The following LYRM7 variants were observed in gnomAD, a reference collection of about 807,000 sequenced individuals.
LYRM7 encodes the protein LYR motif containing 7.
In LYRM7, 9 loss-of-function variants were observed where a neutral mutation model predicts 15.8. That is an observed-to-expected ratio of 0.57 (90% CI 0.34 to 0.99). LYRM7 has a LOEUF of 0.99. Among genes scored for constraint, LYRM7 ranks in the 50% least tolerant of loss-of-function variants. The probability of loss-of-function intolerance (pLI) is 0.02; values close to 1 mark genes in which losing one functional copy is unlikely to be tolerated. For synonymous variants in LYRM7, 39 were observed against 39.4 expected, an observed-to-expected ratio of 0.99 and a Z score of 0.04; for missense variants, 115 against 119.1, an observed-to-expected ratio of 0.97 and a Z score of 0.16.
At chr5:131,179,980 G>A (rs536728620) in intron 1 of LYRM7, 115 bp from the exon 2 acceptor site, 46 of 684,110 alleles carry the variant, frequency 6.7e-5, no homozygotes, top group Non-Finnish European at 1.1e-4. Context: ...TCACCATATC[G>A]CCCAGGGTCT....
intron 3 of LYRM7, among the ~76,000 whole-genome samples, chr5:131,184,645 G>GT: frequency 6.9e-6 from 1 of 145,250 alleles, no homozygotes; most frequent in Non-Finnish European, 1.5e-5. Flanking sequence ...TTTGGCGGGG[G>GT]GGGGGTTCCA....
chr5:131,177,026 T>C, intron 1 of LYRM7, among the ~76,000 whole-genome samples: 1 of 152,202 alleles, frequency 6.6e-6, no homozygotes, highest in East Asian at 1.9e-4. Context: ...GCTATAAAAA[T>C]TACCCACAGC....
At position 131,183,784 on chromosome 5, in the gene LYRM7, G is replaced by C. The variant is rs572004095; in HGVS notation, c.162+1485G>C. 3.2e-3 allele frequency among the ~76,000 whole-genome samples: 488 copies of C among 151,952 alleles called. 1 individual carries two copies. The highest frequency in any genetic ancestry group is 0.01 in the African/African-American group (417 of 41,444). On this transcript the variant is annotated intron_variant, in intron 3 of 4. Coordinates refer to ENST00000379380, the MANE Select transcript of LYRM7 (RefSeq NM_181705.4). ...TCTTACAAATTGAGGACCCCAAAAA[G>C]CTTTGTTTATATCATTATTTACCAT...
chr5:131,192,032 TACACACACACACACACACAC>T (rs60867142), intron 4 of LYRM7, among the ~76,000 whole-genome samples: 122 of 127,738 alleles, frequency 9.6e-4, no homozygotes, highest in African/African-American at 2.6e-3. Flanking sequence ...ATGTGGTGCA[TACACACACACACACACACAC>T]ACACACACAC....
chr5:131,179,416 T>C (rs1755652784), intron 1 of LYRM7, among the ~76,000 whole-genome samples: 1 of 151,766 alleles, frequency 6.6e-6, no homozygotes, highest in Non-Finnish European at 1.5e-5. Context: ...TGTTTTCCTT[T>C]TGAGGTCTGA....
At chr5:131,176,324 A>G (rs1045596680) in intron 1 of LYRM7, among the ~76,000 whole-genome samples, 2 of 152,180 alleles carry the variant, frequency 1.3e-5, no homozygotes, top group African/African-American at 2.4e-5. Context: ...TCCCAAAGCA[A>G]CTGTACCATT....
intron 3 of LYRM7, among the ~76,000 whole-genome samples, chr5:131,183,986 T>C (rs1374411565): frequency 1.3e-5 from 2 of 152,226 alleles, no homozygotes; most frequent in Non-Finnish European, 2.9e-5. Context: ...TGTTTTTGTT[T>C]TGAGATGGAG....
chr5:131,179,807 G>T (rs1755661731), intron 1 of LYRM7, among the ~76,000 whole-genome samples: 1 of 151,984 alleles, frequency 6.6e-6, no homozygotes, highest in Non-Finnish European at 1.5e-5. Flanking sequence ...TTGGTGGCAG[G>T]TGCCTGTAAT....
At chr5:131,181,353 ATATATATT>A (rs1219436102) in intron 2 of LYRM7, among the ~76,000 whole-genome samples, 5 of 42,542 alleles carry the variant, frequency 1.2e-4, no homozygotes, top group African/African-American at 2.9e-4. Context: ...TATATGTTAT[ATATATATT>A]AACATATATA....
intron 4 of LYRM7, 61 bp from the exon 5 acceptor site, chr5:131,199,470 T>C (rs1291998165): frequency 1.7e-6 from 2 of 1,145,718 alleles, no homozygotes; most frequent in South Asian, 1.5e-5. Flanking sequence ...GAAATGAGTG[T>C]CCTTGCATTT....
rs1213123407 is a variant in LYRM7, at chr5:131,181,314, TATAC to T, written c.92-913_92-910del. Among the ~76,000 whole-genome samples, 29 of 51,980 alleles carry T rather than the reference TATAC, an allele frequency of 5.6e-4. 5 individuals carry two copies. Among genetic ancestry groups the T allele is most frequent in the African/African-American group, 2.3e-3 (28 of 12,430 alleles). The allele number at this position is 51,980 out of a possible 152,430, so 34.1% of individuals were successfully genotyped here. A position where few individuals can be genotyped will look rare whatever the true frequency, so the allele number is the denominator to read the frequency against. On this transcript the variant is annotated intron_variant, in intron 2 of 4. Transcript: ENST00000379380. The stretch of plus-strand genomic sequence containing the variant: ...AAAAAAAAAAAAAAATATATATATA[TATAC>T]ACACACACACACATATATATAACAT...
At chr5:131,194,361 G>A (rs1366969696) in intron 4 of LYRM7, among the ~76,000 whole-genome samples, 5 of 152,180 alleles carry the variant, frequency 3.3e-5, no homozygotes, top group African/African-American at 1.2e-4. Context: ...GGTGAATTGG[G>A]TAAAGAAGTA....
chr5:131,191,477 ATC>A (rs1407523087), intron 4 of LYRM7, among the ~76,000 whole-genome samples: 2 of 152,160 alleles, frequency 1.3e-5, no homozygotes, highest in South Asian at 2.1e-4. Flanking sequence ...TTCTAAATCA[ATC>A]TCTCTTTTTC....
At position 131,170,998 on chromosome 5, in the gene LYRM7, T is replaced by C; in HGVS notation, c.-23T>C. ...CGGGGCTACTCGACTGCTCTGGAGG[T>C]AGCGGCCGCGGTGAGGAGAGCCATG... On this transcript the variant is annotated 5_prime_UTR_variant, in exon 1 of 5. Transcript: ENST00000379380. The C allele has an allele frequency of 1.9e-6, 3 of 1,540,458 alleles. No homozygotes were observed. The highest frequency in any genetic ancestry group is 2.6e-6 in the Non-Finnish European group (3 of 1,149,102).
chr5:131,179,544 T>C (rs746427954), intron 1 of LYRM7, among the ~76,000 whole-genome samples: 30 of 149,532 alleles, frequency 2.0e-4, no homozygotes, highest in Admixed American at 1.2e-3. Context: ...TCAGAGCTCA[T>C]TGTAGCCTCA....
intron 3 of LYRM7, among the ~76,000 whole-genome samples, chr5:131,184,132 G>A (rs544384591): frequency 6.6e-6 from 1 of 152,144 alleles, no homozygotes; most frequent in African/African-American, 2.4e-5. Flanking sequence ...ACCACACCCA[G>A]CTAATTTTTG....
chr5:131,186,306 T>G (rs1265179098), intron 3 of LYRM7, among the ~76,000 whole-genome samples: 1 of 152,212 alleles, frequency 6.6e-6, no homozygotes, highest in African/African-American at 2.4e-5. Context: ...AATGTGCATT[T>G]TAAACACACT....
At chr5:131,196,748 A>G (rs1225920314) in intron 4 of LYRM7, among the ~76,000 whole-genome samples, 3 of 151,558 alleles carry the variant, frequency 2.0e-5, no homozygotes, top group Non-Finnish European at 4.4e-5. Flanking sequence ...GCTCACTGCA[A>G]CCTCTGCCTT....
intron 3 of LYRM7, among the ~76,000 whole-genome samples, chr5:131,182,815 T>G (rs1755735283): frequency 6.6e-6 from 1 of 152,140 alleles, no homozygotes; most frequent in East Asian, 1.9e-4. Context: ...TCCCTAATAC[T>G]CCTAGTAGAA....
Sources: allele counts gnomAD v4.1 joint callset (sites outside exome capture counted in the v4.1 genomes callset), GRCh38; gene constraint gnomAD v4.1.1; transcripts MANE v1.5; gene names NCBI Gene and HGNC (gene_info 2026-07-23, HGNC 2026-07-21).